ARHGAP33: variants seen among roughly 807,000 people sequenced by gnomAD.
ARHGAP33 encodes Rho GTPase activating protein 33.
ARHGAP33 carries 57 observed loss-of-function variants against 126.2 expected under a neutral mutation model. The observed-to-expected ratio is 0.45, with a 90% CI of 0.36 to 0.56. The LOEUF (loss-of-function observed/expected upper bound fraction) is 0.56, where lower values mean the gene tolerates loss of function less well. Ranked by LOEUF, ARHGAP33 falls within the 20% of genes least tolerant of loss-of-function variation. ARHGAP33 has a pLI of 0.00. For missense variants in ARHGAP33, 1,500 were observed against 1,748.3 expected (o/e 0.86, Z 2.53); for synonymous variants, 711 against 755.0 (o/e 0.94, Z 0.95).
rs191830759 is a variant in ARHGAP33, at chr19:35,785,696, C to T, written c.1942+213C>T. On this transcript the variant is annotated intron_variant, in intron 19 of 20. Transcript: ENST00000007510. ...ACTTAACTTACTCATTGGTCCATGA[C>T]GGGCCCTTTAAAAGTCTTTATTATT... The T allele has an allele frequency of 1.5e-4, 213 of 1,412,330 alleles. No homozygotes were observed. The Admixed American group carries it at 4.0e-3, about 27-fold the overall frequency. The allele number at this position is 1,412,330 out of a possible 1,614,324, so 87.5% of individuals were successfully genotyped here. A position where few individuals can be genotyped will look rare whatever the true frequency, so the allele number is the denominator to read the frequency against.
Position 35,784,163 on chromosome 19 carries a change from C to T in ARHGAP33, c.1422-9C>T. The T allele has an allele frequency of 6.2e-7, 1 of 1,607,166 alleles. No individual in the cohort carries two copies. The highest frequency in any genetic ancestry group is 8.5e-7 in the Non-Finnish European group (1 of 1,175,938). ...GGCACCCAGCCTCCCTCCCGCTCCT[C>T]CCACCCAGGTCCATGGAGCTGGAGT... On this transcript the variant is annotated splice_polypyrimidine_tract_variant and intron_variant, in intron 15 of 20. Transcript: ENST00000007510.
chr19:35,787,298 G>A lies in ARHGAP33; in HGVS notation c.2733G>A (p.Val911=). 1 of 1,612,638 alleles carries A rather than the reference G, an allele frequency of 6.2e-7. No homozygotes were observed. Among genetic ancestry groups the A allele is most frequent in the Non-Finnish European group, 8.5e-7 (1 of 1,179,568 alleles). The part of the protein sequence containing the change: ...ALALAERAQQ[V]AEQQSQQECG... ...CCCTGGCTGAGCGGGCTCAGCAGGTGGCCGAGCAACAGAGCCAGCAGGAGT... is the reference window on the plus strand; with the variant it reads ...CCCTGGCTGAGCGGGCTCAGCAGGTAGCCGAGCAACAGAGCCAGCAGGAGT... Residue 911 remains valine, a synonymous_variant, in exon 21 of 21, where the codon GTG becomes GTA. Transcript: ENST00000007510.
intron 5 of ARHGAP33, 65 bp from the exon 6 acceptor site, chr19:35,778,965 AGT>A (rs1275535708): frequency 7.7e-7 from 1 of 1,298,914 alleles, no homozygotes; most frequent in Non-Finnish European, 1.1e-6. Flanking sequence ...GAGCTAGGGC[AGT>A]GTGGGAGGGC....
chr19:35,786,837 G>A lies in ARHGAP33; in HGVS notation c.2367G>A (p.Ser789=), dbSNP rs779783445. ...CCCGGGGGCCCACCAGCCCCGCCTC[G>A]CCTGCTGCCCTAGACATCTCAGAGC... ...ISPRGPTSPA[S]PAALDISEPL... The change falls in exon 20 of 21, where the codon TCG becomes TCA. Residue 789 remains serine (S), a synonymous_variant. Transcript: ENST00000007510. This position sits in a 1 kb window ranked among gnomAD's most constrained non-coding sequence, Gnocchi z 7.0. 3.9e-5 allele frequency: 61 copies of A among 1,565,660 alleles called. No individual in the cohort carries two copies. Among genetic ancestry groups the A allele is most frequent in the African/African-American group, 1.8e-4 (13 of 72,336 alleles).
rs1432872918 is a variant in ARHGAP33 at position 35,786,891 on chromosome 19, C to T, written c.2421C>T (p.Val807=). 11 of 1,608,994 alleles carry T rather than the reference C, an allele frequency of 6.8e-6. No homozygotes were observed. The highest frequency in any genetic ancestry group is 6.6e-5 in the South Asian group (6 of 90,748). The change falls in exon 20 of 21, where the codon GTC becomes GTT. Residue 807 remains valine (V), a synonymous_variant. Transcript: ENST00000007510. The surrounding 1 kb of genome is among the most constrained non-coding windows in gnomAD (Gnocchi z 7.0). ...EPLAVSVPPA[V]LELLGAGGAP... Reference sequence around the variant, plus strand: ...TGGCTGTATCAGTGCCACCCGCTGTCCTAGAACTGCTGGGGGCTGGGGGAG... The same window carrying T: ...TGGCTGTATCAGTGCCACCCGCTGTTCTAGAACTGCTGGGGGCTGGGGGAG...
chr19:35,780,529 C>A, intron 8 of ARHGAP33, 31 bp downstream of exon 8: 1 of 1,611,912 alleles, frequency 6.2e-7, no homozygotes, highest in Non-Finnish European at 8.5e-7. Context: ...ACAGGTGGGG[C>A]TGGGGTACCT....
intron 15 of ARHGAP33, 55 bp from the exon 16 acceptor site, chr19:35,784,117 G>A: frequency 6.5e-7 from 1 of 1,527,742 alleles, no homozygotes; most frequent in Non-Finnish European, 8.9e-7. Flanking sequence ...TGCCCTGCCA[G>A]AACCTGCTGG....
At position 35,788,399 on chromosome 19, in the gene ARHGAP33, C is replaced by G; in HGVS notation, c.3834C>G (p.His1278Gln). ...PPYPTPSWSLHSEGQTRSYC is the reference protein window; with the variant it reads ...PPYPTPSWSLQSEGQTRSYC ...ACCCCACTCCCAGCTGGTCCCTCCACTCTGAGGGCCAGACCCGAAGCTACT... is the reference window on the plus strand; with the variant it reads ...ACCCCACTCCCAGCTGGTCCCTCCAGTCTGAGGGCCAGACCCGAAGCTACT... The change falls in exon 21 of 21, where the codon CAC becomes CAG. Residue 1278 changes from histidine to glutamine, a missense_variant. His to Gln is a conservative substitution (Grantham distance 24). Around this residue, in one of 6 missense-constraint regions of ARHGAP33, gnomAD observed 642 missense variants for 634.0 expected, o/e 1.01. Transcript: ENST00000007510. The G allele has an allele frequency of 6.3e-7, 1 of 1,580,578 alleles. No homozygotes were observed. Among genetic ancestry groups the G allele is most frequent in the Non-Finnish European group, 8.6e-7 (1 of 1,163,788 alleles).
In ARHGAP33 at chr19:35,788,363, C is replaced by A; in HGVS notation, c.3798C>A (p.Pro1266=). 1 of 1,599,628 alleles carries A rather than the reference C, an allele frequency of 6.3e-7. No homozygotes were observed. The highest frequency in any genetic ancestry group is 8.5e-7 in the Non-Finnish European group (1 of 1,174,044). ...NGGQRGEGAG[P]PPPYPTPSWS... is the part of the protein sequence containing the mutation. ...GGCAAAGAGGGGAGGGGGCTGGTCC[C>A]CCACCCCCTTACCCCACTCCCAGCT... The change falls in exon 21 of 21, where the codon CCC becomes CCA. Residue 1266 remains proline, a synonymous_variant. Coordinates refer to ENST00000007510, the MANE Select transcript of ARHGAP33 (RefSeq NM_001366178.1).
chr19:35,787,047 G>A lies in ARHGAP33; in HGVS notation c.2577G>A (p.Lys859=), dbSNP rs1478225414. 1 of 1,606,078 alleles carries A rather than the reference G, an allele frequency of 6.2e-7. No individual in the cohort carries two copies. The highest frequency in any genetic ancestry group is 1.7e-5 in the Admixed American group (1 of 59,116). ...CCTGCCAGCAGGAGATGTGCAGCAAGCTCCGGGGAGCCCAGGGCCCACTCG... is the reference window on the plus strand; with the variant it reads ...CCTGCCAGCAGGAGATGTGCAGCAAACTCCGGGGAGCCCAGGGCCCACTCG... ...TDACQQEMCS[K]LRGAQGPLGP... is the part of the protein sequence containing the mutation. The change falls in exon 20 of 21, where the codon AAG becomes AAA. Residue 859 remains lysine, a synonymous_variant. Coordinates refer to ENST00000007510, the MANE Select transcript of ARHGAP33 (RefSeq NM_001366178.1).
rs769271852 is a variant in ARHGAP33 at position 35,787,455 on chromosome 19, C to T, written c.2890C>T (p.Pro964Ser). 5 of 1,612,300 alleles carry T rather than the reference C, an allele frequency of 3.1e-6. No homozygotes were observed. Among genetic ancestry groups the T allele is most frequent in the Admixed American group, 1.7e-5 (1 of 59,920 alleles). ...CCTAGCACACCCGGGTGCCTGGGTC[C>T]CGGGACCCCCACCCTACTTACCAAG... is the stretch of plus-strand genomic sequence containing the variant. ...NSLAHPGAWV[P>S]GPPPYLPRQQ... The change falls in exon 21 of 21, where the codon CCG becomes TCG. Residue 964 changes from proline to serine, a missense_variant. Physicochemically the swap from Pro to Ser is moderately conservative, Grantham distance 74. Transcript: ENST00000007510.
intron 6 of ARHGAP33, 30 bp from the exon 7 acceptor site, chr19:35,780,181 T>C (rs764153764): frequency 9.3e-6 from 15 of 1,610,816 alleles, no homozygotes; most frequent in Non-Finnish European, 1.3e-5. Context: ...TCTTCTGACC[T>C]GTCCTTGCCA....
Position 35,781,091 on chromosome 19 carries a change from C to G in ARHGAP33, c.982+19C>G. On this transcript the variant is annotated intron_variant, in intron 11 of 20. Coordinates refer to ENST00000007510, the MANE Select transcript of ARHGAP33 (RefSeq NM_001366178.1). ...CAGGATGGTGAGGCCGGGGCCCACC[C>G]ACCCCACCCGTCACACCAGGGCTGC... 2 of 1,610,096 alleles carry G rather than the reference C, an allele frequency of 1.2e-6. No homozygotes were observed. Among genetic ancestry groups the G allele is most frequent in the Non-Finnish European group, 1.7e-6 (2 of 1,179,008 alleles).
chr19:35,787,090 C>A lies in ARHGAP33; in HGVS notation c.2602+18C>A. ...CCCACTCGGTGAGTCCTCAGCCTAC[C>A]CCACCCCTGTCCCCGCCAGCTGTCA... On this transcript the variant is annotated intron_variant, in intron 20 of 20. Transcript: ENST00000007510. 6.3e-7 allele frequency: 1 copy of A among 1,599,084 alleles called. No individual in the cohort carries two copies. Among genetic ancestry groups the A allele is most frequent in the Non-Finnish European group, 8.5e-7 (1 of 1,172,326 alleles).
intron 20 of ARHGAP33, 33 bp downstream of exon 20, chr19:35,787,105 G>A (rs764047783): frequency 1.8e-5 from 29 of 1,597,350 alleles, no homozygotes; most frequent in Admixed American, 1.2e-4. Context: ...CCCTGTCCCC[G>A]CCAGCTGTCA....
At position 35,787,217 on chromosome 19, in the gene ARHGAP33, C is replaced by A. The variant is rs551584144; in HGVS notation, c.2652C>A (p.Arg884=). 1,092 of 1,610,824 alleles carry A rather than the reference C, an allele frequency of 6.8e-4. 16 individuals carry two copies. The South Asian group carries it at 7.1e-3, about 10-fold the overall frequency. Residue 884 remains arginine (R), a synonymous_variant, in exon 21 of 21, where the codon CGC becomes CGA. Coordinates refer to ENST00000007510, the MANE Select transcript of ARHGAP33 (RefSeq NM_001366178.1). ...PLPPPPLSLL[R]PGGAPPPPPK... The stretch of plus-strand genomic sequence containing the variant: ...CACCCCCTCCCCTGTCTCTCCTGCG[C>A]CCTGGGGGTGCCCCACCCCCGCCCC...
Position 35,779,102 on chromosome 19 carries a change from G to C in ARHGAP33, c.479G>C (p.Gly160Ala), listed in dbSNP as rs781116109. Residue 160 changes from glycine (G) to alanine (A), a missense_variant, in exon 6 of 21, where the codon GGG becomes GCG. Physicochemically the swap from Gly to Ala is moderately conservative, Grantham distance 60. Transcript: ENST00000007510. The part of the protein sequence containing the change: ...SGLVDSNLNC[G>A]PVLTWMELDN... ...CTGGTGGACAGTAACCTCAACTGCGGGCCTGTGCTCACCTGGATGGAGGTG... is the reference window on the plus strand; with the variant it reads ...CTGGTGGACAGTAACCTCAACTGCGCGCCTGTGCTCACCTGGATGGAGGTG... The C allele has an allele frequency of 7.1e-6, 11 of 1,551,794 alleles. No individual in the cohort carries two copies. The South Asian group carries it at 1.3e-4, about 18-fold the overall frequency.
At position 35,782,698 on chromosome 19, in the gene ARHGAP33, G is replaced by A; in HGVS notation, c.1313+19G>A. The A allele has an allele frequency of 2.5e-6, 4 of 1,610,964 alleles. No individual in the cohort carries two copies. The highest frequency in any genetic ancestry group is 2.7e-5 in the African/African-American group (2 of 74,966). ...ATTACAGGTAAACCAGGAGGGGCAG[G>A]GCGGGACTTGGTGGGATTCCAAGGG... On this transcript the variant is annotated intron_variant, in intron 14 of 20. Transcript: ENST00000007510. This position sits in a 1 kb window ranked among gnomAD's most constrained non-coding sequence, Gnocchi z 4.1.
chr19:35,786,494 G>A lies in ARHGAP33; in HGVS notation c.2024G>A (p.Cys675Tyr), dbSNP rs2146748169. The change falls in exon 20 of 21, where the codon TGC becomes TAC. Residue 675 changes from cysteine to tyrosine, a missense_variant. By Grantham distance (194) the Cys-to-Tyr change is radical (BLOSUM62 -2). Coordinates refer to ENST00000007510, the MANE Select transcript of ARHGAP33 (RefSeq NM_001366178.1). This position sits in a 1 kb window ranked among gnomAD's most constrained non-coding sequence, Gnocchi z 7.0. The stretch of plus-strand genomic sequence containing the variant: ...GTGGGCCCAGCACCTGCTGGCTCCT[G>A]CGAGAGCCTGTCCTCGTCCTCCTCC... ...FPVGPAPAGS[C>Y]ESLSSSSSSE... is the part of the protein sequence containing the mutation. 6.5e-7 allele frequency: 1 copy of A among 1,535,920 alleles called. No homozygotes were observed. Among genetic ancestry groups the A allele is most frequent in the South Asian group, 1.2e-5 (1 of 84,058 alleles).
Sources: allele counts gnomAD v4.1 joint callset, GRCh38; gene constraint gnomAD v4.1.1; regional missense constraint gnomAD v4.1.1; non-coding constraint Gnocchi (gnomAD v3.1); transcripts MANE v1.5; gene names NCBI Gene and HGNC (gene_info 2026-07-23, HGNC 2026-07-21).